CTDSPL: variants seen among roughly 807,000 people sequenced by gnomAD.
CTDSPL encodes CTD small phosphatase like.
Under a neutral mutation model 30.5 loss-of-function variants are expected in CTDSPL, and 8 were observed. That is an observed-to-expected ratio of 0.26 (90% CI 0.15 to 0.47). The LOEUF (loss-of-function observed/expected upper bound fraction) is 0.47, where lower values mean the gene tolerates loss of function less well. Ranked by LOEUF, CTDSPL falls within the 20% of genes least tolerant of loss-of-function variation. The pLI is 0.99. For synonymous variants in CTDSPL, 110 were observed against 137.9 expected, an observed-to-expected ratio of 0.80 and a Z score of 1.42; for missense variants, 248 against 366.1, an observed-to-expected ratio of 0.68 and a Z score of 2.63.
intron 2 of CTDSPL, among the ~76,000 whole-genome samples, chr3:37,951,614 G>A (rs1359797992): frequency 2.0e-5 from 3 of 152,092 alleles, no homozygotes; most frequent in Non-Finnish European, 2.9e-5. Flanking sequence ...CCAGGAGGTC[G>A]AGGCTGCAGT....
rs924188971 is a variant in CTDSPL at position 37,981,657 on chromosome 3, C to T, written c.*790C>T. ...TGGTGACAAGTTTGTCTTGAGGTCACATTTTCTCCTTGAAAAGTGACATCC... is the reference window on the plus strand; with the variant it reads ...TGGTGACAAGTTTGTCTTGAGGTCATATTTTCTCCTTGAAAAGTGACATCC... On this transcript the variant is annotated 3_prime_UTR_variant, in exon 8 of 8. Transcript: ENST00000273179. The T allele has an allele frequency of 3.1e-6, 1 of 327,688 alleles. No individual in the cohort carries two copies. Among genetic ancestry groups the T allele is most frequent in the African/African-American group, 2.2e-5 (1 of 46,148 alleles). The allele number at this position is 327,688 out of a possible 1,614,324, so 20.3% of individuals were successfully genotyped here.
At chr3:37,871,421 T>C (rs1394527391) in intron 1 of CTDSPL, among the ~76,000 whole-genome samples, 1 of 152,254 alleles carries the variant, frequency 6.6e-6, no homozygotes, top group African/African-American at 2.4e-5. Flanking sequence ...TAAACATATG[T>C]GTGCAGGTCT....
chr3:37,894,426 C>CT (rs1344652927), intron 1 of CTDSPL, among the ~76,000 whole-genome samples: 1 of 151,928 alleles, frequency 6.6e-6, no homozygotes, highest in Non-Finnish European at 1.5e-5. Context: ...TTTCCAAATG[C>CT]TGTTATAACG....
In CTDSPL at chr3:37,975,435, G is replaced by A. The variant is rs947487716; in HGVS notation, c.520-274G>A. On this transcript the variant is annotated intron_variant, in intron 6 of 7. Transcript: ENST00000273179. The surrounding 1 kb of genome is among the most constrained non-coding windows in gnomAD (Gnocchi z 4.9). ...AGCCATCCCAGGCCAGAGATTCGAG[G>A]CCCAGGCTAAGGGTGGTGGCAATAT... Among the ~76,000 whole-genome samples the A allele has an allele frequency of 6.6e-6, 1 of 152,242 alleles. No homozygotes were observed. The highest frequency in any genetic ancestry group is 1.5e-5 in the Non-Finnish European group (1 of 68,042).
chr3:37,943,857 T>C (rs1304799767), intron 1 of CTDSPL, among the ~76,000 whole-genome samples: 1 of 150,338 alleles, frequency 6.7e-6, no homozygotes, highest in Non-Finnish European at 1.5e-5. Context: ...AGGAGCGTTC[T>C]ACTGGGAAAA....
At chr3:37,943,149 G>A (rs1698996550) in intron 1 of CTDSPL, among the ~76,000 whole-genome samples, 1 of 150,322 alleles carries the variant, frequency 6.7e-6, no homozygotes, top group East Asian at 1.9e-4. Flanking sequence ...CTGAGTCGAG[G>A]CATCCAGAGG....
Position 37,982,241 on chromosome 3 carries a change from A to C in CTDSPL, c.*1374A>C, listed in dbSNP as rs1699500650. The C allele has an allele frequency of 1.6e-5, 5 of 312,860 alleles. 1 individual carries two copies. Among genetic ancestry groups the C allele is most frequent in the South Asian group, 1.4e-4 (5 of 36,950 alleles). The allele number at this position is 312,860 out of a possible 1,614,324, so 19.4% of individuals were successfully genotyped here. ...TGAAGCACAGCCTATTTCTGAGCCA[A>C]GGGTTGGGGAAGCCTGTCTAGATGT... On this transcript the variant is annotated 3_prime_UTR_variant, in exon 8 of 8. Transcript: ENST00000273179.
intron 1 of CTDSPL, among the ~76,000 whole-genome samples, chr3:37,921,128 T>A (rs1698708388): frequency 6.6e-6 from 1 of 152,186 alleles, no homozygotes; most frequent in Non-Finnish European, 1.5e-5. Context: ...TCCTAGTACT[T>A]TCTTATGCAT....
At chr3:37,873,892 C>T (rs1247658889) in intron 1 of CTDSPL, among the ~76,000 whole-genome samples, 2 of 152,184 alleles carry the variant, frequency 1.3e-5, no homozygotes, top group Non-Finnish European at 2.9e-5. Context: ...AAACTTTGGT[C>T]TTAATATCAA....
intron 1 of CTDSPL, among the ~76,000 whole-genome samples, chr3:37,941,590 A>T (rs998195177): frequency 6.7e-6 from 1 of 149,592 alleles, no homozygotes; most frequent in Non-Finnish European, 1.5e-5. Flanking sequence ...GGGTTTCGCC[A>T]TGTTGTCCAG....
In CTDSPL at chr3:37,981,388, C is replaced by CT. The variant is rs1559651402; in HGVS notation, c.*522dup. The CT allele has an allele frequency of 6.1e-6, 1 of 164,848 alleles. No individual in the cohort carries two copies. The highest frequency in any genetic ancestry group is 1.3e-5 in the Non-Finnish European group (1 of 75,094). 10.2% of individuals were successfully genotyped at this position (164,848 alleles called of 1,614,324 possible). On this transcript the variant is annotated 3_prime_UTR_variant, in exon 8 of 8. Coordinates refer to ENST00000273179, the MANE Select transcript of CTDSPL (RefSeq NM_001008392.2). ...GATGAACATGACAATTTTCTAGAAC[C>CT]TGGTAGCGTGTGTGTGTGTGGCGGG...
At position 37,862,416 on chromosome 3, in the gene CTDSPL, G is replaced by A. The variant is rs1183902338; in HGVS notation, c.79+138G>A. ...GGGTGCGTGGGTGTGGGGTGCGCCC[G>A]GAGGAGAGCGAGGCTGCCAGAGTGC... is the stretch of plus-strand genomic sequence containing the variant. On this transcript the variant is annotated intron_variant, in intron 1 of 7. Coordinates refer to ENST00000273179, the MANE Select transcript of CTDSPL (RefSeq NM_001008392.2). The surrounding 1 kb of genome is among the most constrained non-coding windows in gnomAD (Gnocchi z 4.3). 1 of 602,266 alleles carries A rather than the reference G, an allele frequency of 1.7e-6. No individual in the cohort carries two copies. Among genetic ancestry groups the A allele is most frequent in the Middle Eastern group, 5.9e-4 (1 of 1,702 alleles). 37.3% of individuals were successfully genotyped at this position (602,266 alleles called of 1,614,324 possible). A position where few individuals can be genotyped will look rare whatever the true frequency, so the allele number is the denominator to read the frequency against.
At chr3:37,925,066 C>T (rs1213810985) in intron 1 of CTDSPL, among the ~76,000 whole-genome samples, 1 of 152,166 alleles carries the variant, frequency 6.6e-6, no homozygotes. Flanking sequence ...CTTATTGCCT[C>T]CTGTAACTTT....
At chr3:37,956,094 TGGA>T (rs992241993) in intron 2 of CTDSPL, among the ~76,000 whole-genome samples, 6 of 152,220 alleles carry the variant, frequency 3.9e-5, no homozygotes, top group Admixed American at 3.9e-4. Context: ...GAAGGAACTG[TGGA>T]GATCATCTCA....
chr3:37,942,369 G>T (rs1401868209), intron 1 of CTDSPL, among the ~76,000 whole-genome samples: 1 of 150,606 alleles, frequency 6.6e-6, no homozygotes, highest in African/African-American at 2.4e-5. Context: ...TAGCCTGGGT[G>T]TGGTGCCTCA....
intron 1 of CTDSPL, among the ~76,000 whole-genome samples, chr3:37,930,040 G>A (rs1276347579): frequency 6.6e-6 from 1 of 151,830 alleles, no homozygotes; most frequent in Non-Finnish European, 1.5e-5. Context: ...CGGGAAGGTG[G>A]AGGTTGCAGT....
At chr3:37,922,354 G>A (rs1256094248) in intron 1 of CTDSPL, among the ~76,000 whole-genome samples, 1 of 152,182 alleles carries the variant, frequency 6.6e-6, no homozygotes, top group Non-Finnish European at 1.5e-5. Context: ...AAGGCTTGCA[G>A]TGCTGTGGAG....
At chr3:37,863,749 A>G (rs1697973781) in intron 1 of CTDSPL, among the ~76,000 whole-genome samples, 1 of 152,246 alleles carries the variant, frequency 6.6e-6, no homozygotes, top group African/African-American at 2.4e-5. Flanking sequence ...GGCAGAGGCC[A>G]CTGGGCAAGC....
At position 37,982,264 on chromosome 3, in the gene CTDSPL, T is replaced by A. The variant is rs1004853101; in HGVS notation, c.*1397T>A. Reference sequence around the variant, plus strand: ...CAAGGGTTGGGGAAGCCTGTCTAGATGTGGGACTCATTGCCCCAAACCAGG... The same window carrying A: ...CAAGGGTTGGGGAAGCCTGTCTAGAAGTGGGACTCATTGCCCCAAACCAGG... On this transcript the variant is annotated 3_prime_UTR_variant, in exon 8 of 8. Transcript: ENST00000273179. 3.0e-6 allele frequency: 1 copy of A among 330,046 alleles called. No individual in the cohort carries two copies. Among genetic ancestry groups the A allele is most frequent in the Admixed American group, 4.2e-5 (1 of 23,656 alleles). The allele number at this position is 330,046 out of a possible 1,614,324, so 20.4% of individuals were successfully genotyped here.
Sources: gnomAD v4.1 joint callset for allele counts (sites outside exome capture counted in the v4.1 genomes callset) on GRCh38, gnomAD v4.1.1 for gene constraint, Gnocchi (gnomAD v3.1) non-coding constraint, MANE v1.5 for transcripts, NCBI Gene and HGNC (gene_info 2026-07-23, HGNC 2026-07-21) for gene names.